The following KIF18A variants were observed in gnomAD, a reference collection of about 807,000 sequenced individuals.
The protein encoded by KIF18A is kinesin-like protein KIF18A.
A neutral mutation model predicts 103.3 loss-of-function variants in KIF18A; 67 were observed. The observed-to-expected ratio is 0.65, with a 90% CI of 0.53 to 0.79. The LOEUF (loss-of-function observed/expected upper bound fraction) is 0.79, where lower values mean the gene tolerates loss of function less well. KIF18A is among the 30% of genes least tolerant of loss of function. KIF18A has a pLI of 0.00. For synonymous variants in KIF18A, 367 were observed against 355.5 expected (o/e 1.03, Z -0.36); for missense variants, 1,032 against 1,062.5 (o/e 0.97, Z 0.40).
chr11:28,050,031 G>A (rs915210292), intron 13 of KIF18A, among the ~76,000 whole-genome samples: 1 of 151,514 alleles, frequency 6.6e-6, no homozygotes, highest in Non-Finnish European at 1.5e-5. Flanking sequence ...TAATACATAG[G>A]GAACTATTGT....
chr11:28,064,197 T>C (rs974741964), intron 11 of KIF18A, among the ~76,000 whole-genome samples: 1 of 151,750 alleles, frequency 6.6e-6, no homozygotes, highest in Non-Finnish European at 1.5e-5. Context: ...CTTCAAGAAA[T>C]ATAGCAAATG....
At chr11:28,059,281 A>G in intron 12 of KIF18A, 120 bp from the exon 13 acceptor site, 2 of 747,354 alleles carry the variant, frequency 2.7e-6, no homozygotes, top group Non-Finnish European at 4.4e-6. Flanking sequence ...CCCATGTATG[A>G]ACTGAGTTCT....
intron 6 of KIF18A, among the ~76,000 whole-genome samples, chr11:28,086,965 A>G (rs1054196472): frequency 2.0e-5 from 3 of 151,990 alleles, no homozygotes; most frequent in Non-Finnish European, 4.4e-5. Flanking sequence ...GATTTCAGTA[A>G]TTTGCCTTTT....
At chr11:28,067,135 C>CTCCAAAG (rs1403610309) in intron 11 of KIF18A, among the ~76,000 whole-genome samples, 1 of 151,976 alleles carries the variant, frequency 6.6e-6, no homozygotes, top group East Asian at 1.9e-4. Context: ...AACACTCCAA[C>CTCCAAAG]TCCAAAGTCT....
chr11:28,056,998 A>G lies in KIF18A; in HGVS notation c.1948+1928T>C, dbSNP rs1037688796. On this transcript the variant is annotated intron_variant, in intron 13 of 16. Transcript: ENST00000263181. ...CAGATTTGACTATATAAAAGTTAAA[A>G]GTCCAATAAATTGATCAATTATTGC... 6.9e-5 allele frequency: 21 copies of G among 306,370 alleles called. No homozygotes were observed. In the Admixed American group the frequency reaches 1.0e-3, roughly 15 times the overall value. 19.0% of individuals were successfully genotyped at this position (306,370 alleles called of 1,614,324 possible).
At chr11:28,095,838 T>C (rs1851361738) in intron 2 of KIF18A, among the ~76,000 whole-genome samples, 1 of 151,048 alleles carries the variant, frequency 6.6e-6, no homozygotes, top group Non-Finnish European at 1.5e-5. Flanking sequence ...AGTGAGACCC[T>C]GTATCCACAA....
At chr11:28,025,509 T>C (rs1047492966) in intron 15 of KIF18A, among the ~76,000 whole-genome samples, 2 of 152,040 alleles carry the variant, frequency 1.3e-5, no homozygotes, top group South Asian at 4.1e-4. Context: ...GACCCTACTT[T>C]TTACTCATAG....
Position 28,036,441 on chromosome 11 carries a change from T to C in KIF18A, c.2172A>G (p.Lys724=), listed in dbSNP as rs1850491618. 1 of 1,610,808 alleles carries C rather than the reference T, an allele frequency of 6.2e-7. No individual in the cohort carries two copies. The highest frequency in any genetic ancestry group is 1.7e-4 in the Middle Eastern group (1 of 6,040). The part of the protein sequence containing the change: ...FQNPSTVTLM[K]PSSFTTSFQA... ...GAAAACTTGTAGTAAATGATGATGGTTTCATTAAGGTTACTGTAGACGGAT... is the reference window on the plus strand; with the variant it reads ...GAAAACTTGTAGTAAATGATGATGGCTTCATTAAGGTTACTGTAGACGGAT... Residue 724 remains lysine (K), a synonymous_variant, in exon 14 of 17, where the codon AAA becomes AAG. Coordinates refer to ENST00000263181, the MANE Select transcript of KIF18A (RefSeq NM_031217.4).
At chr11:28,039,136 T>C (rs1223624225) in intron 13 of KIF18A, among the ~76,000 whole-genome samples, 2 of 151,670 alleles carry the variant, frequency 1.3e-5, no homozygotes, top group Admixed American at 6.6e-5. Flanking sequence ...AAAAAGCGGA[T>C]ATTACCTTTT....
intron 15 of KIF18A, among the ~76,000 whole-genome samples, chr11:28,025,586 T>C (rs891772791): frequency 6.6e-6 from 1 of 151,914 alleles, no homozygotes; most frequent in Non-Finnish European, 1.5e-5. Flanking sequence ...TTTCTAGAAA[T>C]CAAATCCAAC....
Position 28,094,818 on chromosome 11 carries a change from G to C in KIF18A, c.326-18C>G. 6.2e-7 allele frequency: 1 copy of C among 1,609,546 alleles called. No individual in the cohort carries two copies. The highest frequency in any genetic ancestry group is 8.5e-7 in the Non-Finnish European group (1 of 1,176,052). On this transcript the variant is annotated intron_variant, in intron 2 of 16. Transcript: ENST00000263181. Reference sequence around the variant, plus strand: ...GGCAAGTACTGAGTTTTTAAGAAAGGGATCAAAACTCTTTGTTATGAAATA... The same window carrying C: ...GGCAAGTACTGAGTTTTTAAGAAAGCGATCAAAACTCTTTGTTATGAAATA...
At chr11:28,099,353 A>T (rs1206809139) in intron 1 of KIF18A, among the ~76,000 whole-genome samples, 1 of 152,036 alleles carries the variant, frequency 6.6e-6, no homozygotes, top group Non-Finnish European at 1.5e-5. Flanking sequence ...TAAAAGGGGA[A>T]ATGTTGGTCA....
intron 13 of KIF18A, among the ~76,000 whole-genome samples, chr11:28,055,635 C>T (rs1009686458): frequency 6.6e-6 from 1 of 152,066 alleles, no homozygotes; most frequent in Non-Finnish European, 1.5e-5. Context: ...AGTTTAGTAT[C>T]AAATTACCTC....
intron 3 of KIF18A, 63 bp from the exon 4 acceptor site, chr11:28,091,576 CAT>C: frequency 1.3e-6 from 1 of 758,380 alleles, no homozygotes; most frequent in Non-Finnish European, 2.2e-6. Context: ...TTACATCACA[CAT>C]ACACTGCTAA....
rs1464743160 is a variant in KIF18A, at chr11:28,035,375, G to A, written c.2504+12C>T. On this transcript the variant is annotated intron_variant, in intron 15 of 16. Coordinates refer to ENST00000263181, the MANE Select transcript of KIF18A (RefSeq NM_031217.4). ...TAACTACAGAACCAAACCAGTTTAT[G>A]TTTAATCATACCTTGTTAATTTCCG... The A allele has an allele frequency of 2.3e-5, 34 of 1,501,460 alleles. No individual in the cohort carries two copies. Among genetic ancestry groups the A allele is most frequent in the Non-Finnish European group, 3.0e-5 (33 of 1,086,832 alleles). The allele number at this position is 1,501,460 out of a possible 1,614,324, so 93.0% of individuals were successfully genotyped here.
chr11:28,022,846 T>C (rs1850264273), intron 16 of KIF18A, among the ~76,000 whole-genome samples: 1 of 152,190 alleles, frequency 6.6e-6, no homozygotes, highest in East Asian at 1.9e-4. Flanking sequence ...CAATATAGTT[T>C]GACAAAGTTA....
Position 28,059,106 on chromosome 11 carries a change from C to T in KIF18A, c.1768G>A (p.Ala590Thr). Reference sequence around the variant, plus strand: ...TCAAAAGCAGCATTTGACAGGCCGGCTTCTTTTAATGTGCAATATTGTTTT... The same window carrying T: ...TCAAAAGCAGCATTTGACAGGCCGGTTTCTTTTAATGTGCAATATTGTTTT... ...LRKQYCTLKE[A>T]GLSNAAFESD... The change falls in exon 13 of 17, where the codon GCC (alanine) becomes ACC (threonine). Residue 590 changes from alanine to threonine, a missense_variant. Physicochemically the swap from Ala to Thr is moderately conservative, Grantham distance 58 (BLOSUM62 0). Coordinates refer to ENST00000263181, the MANE Select transcript of KIF18A (RefSeq NM_031217.4). 1 of 1,614,010 alleles carries T rather than the reference C, an allele frequency of 6.2e-7. No individual in the cohort carries two copies.
intron 14 of KIF18A, among the ~76,000 whole-genome samples, chr11:28,035,756 G>T (rs1850477515): frequency 6.6e-6 from 1 of 151,434 alleles, no homozygotes; most frequent in South Asian, 2.1e-4. Context: ...TTTAGATTGG[G>T]TATGATTATG....
At chr11:28,035,332 T>C (rs897736016) in intron 15 of KIF18A, 55 bp downstream of exon 15, 1 of 866,006 alleles carries the variant, frequency 1.2e-6, no homozygotes, top group Non-Finnish European at 1.8e-6. Context: ...GCATATAATA[T>C]ATAAAGATTA....
Sources: gnomAD v4.1 joint callset for allele counts (sites outside exome capture counted in the v4.1 genomes callset) on GRCh38, gnomAD v4.1.1 for gene constraint, MANE v1.5 for transcripts, NCBI Gene and HGNC (gene_info 2026-07-23, HGNC 2026-07-21) for gene names.